Variants in PDSS2 observed in about 807,000 individuals in gnomAD.
PDSS2 encodes decaprenyl diphosphate synthase subunit 2.
PDSS2 carries 31 observed loss-of-function variants against 44.5 expected under a neutral mutation model. The ratio of observed to expected loss-of-function variants is 0.70; its 90% confidence interval spans 0.52 to 0.94. The LOEUF (loss-of-function observed/expected upper bound fraction) is 0.94. Among genes scored for constraint, PDSS2 ranks in the 40% least tolerant of loss-of-function variants. PDSS2 has a pLI of 0.00. For synonymous variants in PDSS2, 157 were observed against 180.3 expected (o/e 0.87, Z 1.03); for missense variants, 452 against 482.2 (o/e 0.94, Z 0.59).
intron 1 of PDSS2, among the ~76,000 whole-genome samples, chr6:107,407,599 C>T (rs1270084399): frequency 3.9e-5 from 6 of 152,248 alleles, no homozygotes; most frequent in African/African-American, 1.4e-4. Context: ...AACACTTTAC[C>T]ACAGGTGACA....
chr6:107,219,073 T>C (rs950838314), intron 4 of PDSS2, among the ~76,000 whole-genome samples: 1 of 150,894 alleles, frequency 6.6e-6, no homozygotes, highest in African/African-American at 2.4e-5. Flanking sequence ...AAAAAAAAAA[T>C]TAATTAAAAA....
chr6:107,162,937 A>T (rs987604894), intron 7 of PDSS2, among the ~76,000 whole-genome samples: 1 of 152,154 alleles, frequency 6.6e-6, no homozygotes, highest in Admixed American at 6.5e-5. Flanking sequence ...GAATTATCTA[A>T]CATTTAGTCC....
chr6:107,270,219 G>A (rs762609765), intron 3 of PDSS2, among the ~76,000 whole-genome samples: 5 of 151,710 alleles, frequency 3.3e-5, no homozygotes, highest in East Asian at 1.9e-4. Flanking sequence ...AGCGATTCTC[G>A]TGCCTCAGCC....
At chr6:107,332,262 G>A (rs1777736159) in intron 2 of PDSS2, among the ~76,000 whole-genome samples, 1 of 151,920 alleles carries the variant, frequency 6.6e-6, no homozygotes, top group South Asian at 2.1e-4. Flanking sequence ...ATGCCACCAT[G>A]TCTGGCTAAT....
intron 4 of PDSS2, among the ~76,000 whole-genome samples, chr6:107,229,115 C>G (rs1393378876): frequency 6.6e-6 from 1 of 152,056 alleles, no homozygotes; most frequent in African/African-American, 2.4e-5. Context: ...TTTTAAAAAA[C>G]AGCTTTTACA....
chr6:107,174,667 T>G (rs1771723565), intron 7 of PDSS2, among the ~76,000 whole-genome samples: 1 of 152,138 alleles, frequency 6.6e-6, no homozygotes, highest in African/African-American at 2.4e-5. Flanking sequence ...TCCTTTTTAC[T>G]CAGAGTTAGA....
At chr6:107,439,015 A>T (rs1027601485) in intron 1 of PDSS2, among the ~76,000 whole-genome samples, 1 of 152,164 alleles carries the variant, frequency 6.6e-6, no homozygotes, top group Admixed American at 6.5e-5. Flanking sequence ...CCCTTTCCTT[A>T]TGAAAATTAT....
chr6:107,322,969 TC>T (rs2115180699), intron 2 of PDSS2, among the ~76,000 whole-genome samples: 1 of 152,318 alleles, frequency 6.6e-6, no homozygotes, highest in South Asian at 2.1e-4. Flanking sequence ...CCTCTTTGCC[TC>T]TATTATCAAC....
Position 107,417,106 on chromosome 6 carries a change from C to A in PDSS2, c.296+41884G>T, listed in dbSNP as rs550334425. 2.6e-5 allele frequency among the ~76,000 whole-genome samples: 4 copies of A among 152,064 alleles called. No individual in the cohort carries two copies. The South Asian group carries it at 8.3e-4, about 32-fold the overall frequency. On this transcript the variant is annotated intron_variant, in intron 1 of 7. Coordinates refer to ENST00000369037, the MANE Select transcript of PDSS2 (RefSeq NM_020381.4). ...AAATAAAAATTTTTTTAAAGAAGCA[C>A]TTACAGCATATAAGACAATAATTTC...
At chr6:107,332,083 T>C (rs150541392) in intron 2 of PDSS2, among the ~76,000 whole-genome samples, 1 of 147,458 alleles carries the variant, frequency 6.8e-6, no homozygotes, top group African/African-American at 2.5e-5. Context: ...GCCAAGAGTT[T>C]TCTACAAAAT....
At chr6:107,291,259 G>GT (rs1469378844) in intron 2 of PDSS2, among the ~76,000 whole-genome samples, 1 of 151,590 alleles carries the variant, frequency 6.6e-6, no homozygotes, top group Non-Finnish European at 1.5e-5. Flanking sequence ...ATGGAACTTT[G>GT]TATTTGGGGT....
chr6:107,209,081 A>C (rs1215613882), intron 6 of PDSS2, among the ~76,000 whole-genome samples: 1 of 152,096 alleles, frequency 6.6e-6, no homozygotes, highest in East Asian at 1.9e-4. Context: ...ATCATCTATT[A>C]TTATACCATG....
At chr6:107,385,485 T>C (rs889172466) in intron 1 of PDSS2, among the ~76,000 whole-genome samples, 8 of 152,226 alleles carry the variant, frequency 5.3e-5, no homozygotes, top group Admixed American at 3.3e-4. Flanking sequence ...ACTAAATGAA[T>C]GGGAACAAAA....
At chr6:107,225,089 A>G (rs900289542) in intron 4 of PDSS2, among the ~76,000 whole-genome samples, 1 of 144,264 alleles carries the variant, frequency 6.9e-6, no homozygotes, top group Non-Finnish European at 1.5e-5. Context: ...CCAGGAGAGT[A>G]AGAACACACC....
In PDSS2 at chr6:107,431,316, A is replaced by G. The variant is rs1781186493; in HGVS notation, c.296+27674T>C. Among the ~76,000 whole-genome samples, 7 of 152,306 alleles carry G rather than the reference A, an allele frequency of 4.6e-5. No homozygotes were observed. The South Asian group carries it at 1.5e-3, about 32-fold the overall frequency. On this transcript the variant is annotated intron_variant, in intron 1 of 7. Coordinates refer to ENST00000369037, the MANE Select transcript of PDSS2 (RefSeq NM_020381.4). ...TGCCTAGGCTGGAGTGCAGTAGCGCAATCATGGCTCACTACAGCCTCCACT... is the reference window on the plus strand; with the variant it reads ...TGCCTAGGCTGGAGTGCAGTAGCGCGATCATGGCTCACTACAGCCTCCACT...
chr6:107,446,769 T>A (rs1377291439), intron 1 of PDSS2, among the ~76,000 whole-genome samples: 1 of 152,082 alleles, frequency 6.6e-6, no homozygotes. Flanking sequence ...TCACTCACTA[T>A]CATGAGAACA....
intron 1 of PDSS2, among the ~76,000 whole-genome samples, chr6:107,443,870 T>C (rs1340767503): frequency 6.6e-6 from 1 of 152,210 alleles, no homozygotes; most frequent in Non-Finnish European, 1.5e-5. Flanking sequence ...CACTACGGCA[T>C]TTATCTCAAG....
At chr6:107,281,353 C>A (rs929573828) in intron 2 of PDSS2, among the ~76,000 whole-genome samples, 1 of 152,210 alleles carries the variant, frequency 6.6e-6, no homozygotes, top group Non-Finnish European at 1.5e-5. Context: ...ACACTGCACT[C>A]TTTCAAGTCA....
chr6:107,327,659 G>T (rs891314514), intron 2 of PDSS2, among the ~76,000 whole-genome samples: 3 of 152,094 alleles, frequency 2.0e-5, no homozygotes, highest in African/African-American at 7.2e-5. Flanking sequence ...GGGTTTCACC[G>T]CCTTGGCCAG....
Sources: allele counts gnomAD v4.1 joint callset (sites outside exome capture counted in the v4.1 genomes callset), GRCh38; gene constraint gnomAD v4.1.1; transcripts MANE v1.5; gene names NCBI Gene and HGNC (gene_info 2026-07-23, HGNC 2026-07-21).